PLCXD3: variants seen among roughly 807,000 people sequenced by gnomAD.
PLCXD3 encodes PI-PLC X domain-containing protein 3.
PLCXD3 carries 19 observed loss-of-function variants against 25.5 expected under a neutral mutation model. The ratio of observed to expected loss-of-function variants is 0.75; its 90% CI spans 0.52 to 1.09. The LOEUF is 1.09. PLCXD3 is among the 50% of genes least tolerant of loss of function. The pLI, the probability that PLCXD3 is intolerant of heterozygous loss-of-function variation, is 0.00. For synonymous variants in PLCXD3, 174 were observed against 137.6 expected, an observed-to-expected ratio of 1.26 and a Z score of -1.85; for missense variants, 411 against 388.1, an observed-to-expected ratio of 1.06 and a Z score of -0.50.
chr5:41,483,462 T>C (rs1475770822), intron 1 of PLCXD3, among the ~76,000 whole-genome samples: 1 of 152,182 alleles, frequency 6.6e-6, no homozygotes, highest in Admixed American at 6.5e-5. Flanking sequence ...CTTAAAAGGT[T>C]GTCGCTGTAA....
Position 41,396,644 on chromosome 5 carries a change from C to A in PLCXD3, c.104-14110G>T, listed in dbSNP as rs765642476. ...ACAGTTTGGAGGCATCAGAAGAAGA[C>A]AGGAAAATGAGAGAAAGTTTGGAAC... On this transcript the variant is annotated intron_variant, in intron 1 of 2. Coordinates refer to ENST00000377801, the MANE Select transcript of PLCXD3 (RefSeq NM_001005473.3). Among the ~76,000 whole-genome samples, 4 of 152,062 alleles carry A rather than the reference C, an allele frequency of 2.6e-5. No homozygotes were observed. In the South Asian group the frequency reaches 8.3e-4, roughly 32 times the overall value.
chr5:41,408,973 T>C (rs1017461816), intron 1 of PLCXD3, among the ~76,000 whole-genome samples: 1 of 152,152 alleles, frequency 6.6e-6, no homozygotes, highest in African/African-American at 2.4e-5. Flanking sequence ...GCCTTGGCTA[T>C]TTTAGCAGAA....
At chr5:41,388,420 G>A (rs1014337422) in intron 1 of PLCXD3, among the ~76,000 whole-genome samples, 7 of 152,086 alleles carry the variant, frequency 4.6e-5, no homozygotes, top group African/African-American at 1.7e-4. Context: ...GTCACCTCCA[G>A]GATAGCCAGA....
intron 1 of PLCXD3, among the ~76,000 whole-genome samples, chr5:41,412,262 A>G (rs1004150852): frequency 1.3e-5 from 2 of 152,206 alleles, no homozygotes; most frequent in African/African-American, 4.8e-5. Context: ...CCGTAGTATT[A>G]CATAGTCTTC....
intron 2 of PLCXD3, among the ~76,000 whole-genome samples, chr5:41,370,581 G>A (rs1745066865): frequency 6.6e-6 from 1 of 152,078 alleles, no homozygotes. Flanking sequence ...TTTTTTGGGG[G>A]AGAGGATTTG....
Position 41,489,563 on chromosome 5 carries a change from C to T in PLCXD3, c.103+20861G>A, listed in dbSNP as rs545825233. Among the ~76,000 whole-genome samples, 534 of 152,120 alleles carry T rather than the reference C, an allele frequency of 3.5e-3. 1 individual carries two copies. Among genetic ancestry groups the T allele is most frequent in the African/African-American group, 0.012 (488 of 41,506 alleles). On this transcript the variant is annotated intron_variant, in intron 1 of 2. Transcript: ENST00000377801. ...AATATTGATTCTTCCTACCCATGAGCATGGAATGTTCTTCCATTTGTTTGT... is the reference window on the plus strand; with the variant it reads ...AATATTGATTCTTCCTACCCATGAGTATGGAATGTTCTTCCATTTGTTTGT...
chr5:41,460,162 A>G (rs1277966614), intron 1 of PLCXD3, among the ~76,000 whole-genome samples: 2 of 151,934 alleles, frequency 1.3e-5, no homozygotes, highest in African/African-American at 2.4e-5. Context: ...TATGGATGCT[A>G]GTGTTCCCAT....
intron 1 of PLCXD3, among the ~76,000 whole-genome samples, chr5:41,457,096 GT>G (rs1245077476): frequency 1.3e-5 from 2 of 151,800 alleles, no homozygotes; most frequent in Admixed American, 6.6e-5. Flanking sequence ...TCTTGAAAAT[GT>G]TTTTGCTACT....
At chr5:41,456,455 G>C (rs1285760593) in intron 1 of PLCXD3, 2 of 608,180 alleles carry the variant, frequency 3.3e-6, no homozygotes, top group African/African-American at 2.0e-5. Flanking sequence ...ATAAATTCAG[G>C]ATAGAAAAAT....
intron 1 of PLCXD3, among the ~76,000 whole-genome samples, chr5:41,508,883 A>G (rs1371871184): frequency 6.6e-6 from 1 of 152,236 alleles, no homozygotes; most frequent in African/African-American, 2.4e-5. Context: ...CCTTGAAAAG[A>G]GCAATCTCCA....
At chr5:41,484,935 T>A (rs962372191) in intron 1 of PLCXD3, among the ~76,000 whole-genome samples, 1 of 152,092 alleles carries the variant, frequency 6.6e-6, no homozygotes, top group African/African-American at 2.4e-5. Flanking sequence ...AATAAATAAA[T>A]AAAACTTTAT....
chr5:41,340,602 T>C lies in PLCXD3; in HGVS notation c.813-26832A>G, dbSNP rs140065423. Among the ~76,000 whole-genome samples the C allele has an allele frequency of 2.0e-3, 301 of 152,238 alleles. 2 individuals carry two copies. Among genetic ancestry groups the C allele is most frequent in the African/African-American group, 6.9e-3 (288 of 41,554 alleles). On this transcript the variant is annotated intron_variant, in intron 2 of 2. Coordinates refer to ENST00000377801, the MANE Select transcript of PLCXD3 (RefSeq NM_001005473.3). ...GGTCTCTGATGACTGCGTGCATCCGTTGCTCATCACCTTTACCAACACTGA... is the reference window on the plus strand; with the variant it reads ...GGTCTCTGATGACTGCGTGCATCCGCTGCTCATCACCTTTACCAACACTGA...
intron 1 of PLCXD3, among the ~76,000 whole-genome samples, chr5:41,447,955 A>G (rs752951263): frequency 2.0e-5 from 3 of 152,220 alleles, no homozygotes; most frequent in Non-Finnish European, 4.4e-5. Flanking sequence ...CTGACATGCA[A>G]TATAACAGTA....
At chr5:41,403,213 A>G (rs1190060952) in intron 1 of PLCXD3, among the ~76,000 whole-genome samples, 1 of 151,616 alleles carries the variant, frequency 6.6e-6, no homozygotes, top group African/African-American at 2.4e-5. Context: ...ATGCATTTCT[A>G]TAAGAATTTT....
At position 41,372,025 on chromosome 5, in the gene PLCXD3, G is replaced by A. The variant is rs78153296; in HGVS notation, c.812+9801C>T. Among the ~76,000 whole-genome samples the A allele has an allele frequency of 3.7e-4, 57 of 152,118 alleles. No homozygotes were observed. The East Asian group carries it at 7.4e-3, about 20-fold the overall frequency. On this transcript the variant is annotated intron_variant, in intron 2 of 2. Coordinates refer to ENST00000377801, the MANE Select transcript of PLCXD3 (RefSeq NM_001005473.3). ...TACACAAATTATTGTGTCACTACTT[G>A]ACTGAGTAAATATCCCTGCTGCCTA...
intron 1 of PLCXD3, among the ~76,000 whole-genome samples, chr5:41,452,969 T>C (rs1197412105): frequency 6.6e-6 from 1 of 152,032 alleles, no homozygotes; most frequent in Non-Finnish European, 1.5e-5. Context: ...ATAAATAACC[T>C]AATTAACATA....
chr5:41,392,337 G>A (rs1361559986), intron 1 of PLCXD3, among the ~76,000 whole-genome samples: 1 of 150,772 alleles, frequency 6.6e-6, no homozygotes, highest in Non-Finnish European at 1.5e-5. Context: ...AACAGAGAGA[G>A]AGGGAGAGAG....
Position 41,382,202 on chromosome 5 carries a change from G to A in PLCXD3, c.436C>T (p.His146Tyr). 6.2e-7 allele frequency: 1 copy of A among 1,613,764 alleles called. No homozygotes were observed. The highest frequency in any genetic ancestry group is 8.5e-7 in the Non-Finnish European group (1 of 1,179,790). The change falls in exon 2 of 3, where the codon CAC (histidine) becomes TAC (tyrosine). Residue 146 changes from histidine to tyrosine, a missense_variant. Coordinates refer to ENST00000377801, the MANE Select transcript of PLCXD3 (RefSeq NM_001005473.3). Reference sequence around the variant, plus strand: ...TGATATTTCTGCATCCCATAAAAGTGGTTGAAGTCCAAGAACACTACCTCC... The same window carrying A: ...TGATATTTCTGCATCCCATAAAAGTAGTTGAAGTCCAAGAACACTACCTCC... Reference protein sequence around the residue: ...HKEVVFLDFNHFYGMQKYHHE... With the variant: ...HKEVVFLDFNYFYGMQKYHHE...
intron 1 of PLCXD3, among the ~76,000 whole-genome samples, chr5:41,428,299 C>T (rs949609710): frequency 6.6e-6 from 1 of 151,414 alleles, no homozygotes; most frequent in African/African-American, 2.4e-5. Flanking sequence ...TATTCCCCCT[C>T]AAATTCATAT....
Sources: allele counts gnomAD v4.1 joint callset (sites outside exome capture counted in the v4.1 genomes callset), GRCh38; gene constraint gnomAD v4.1.1; transcripts MANE v1.5; gene names NCBI Gene and HGNC (gene_info 2026-07-23, HGNC 2026-07-21).